The following DCX variants were observed in gnomAD, a reference collection of about 807,000 sequenced individuals.
DCX encodes doublecortin.
In DCX, 4 loss-of-function variants were observed where a neutral mutation model predicts 20.9. The ratio of observed to expected loss-of-function variants is 0.19; its 90% CI spans 0.09 to 0.44. The LOEUF is 0.44. Ranked by LOEUF, DCX falls within the 20% of genes least tolerant of loss-of-function variation. The probability of loss-of-function intolerance (pLI) is 0.99; values close to 1 mark genes in which losing one functional copy is unlikely to be tolerated. For synonymous variants in DCX, 103 were observed against 111.4 expected (o/e 0.92, Z 0.47); for missense variants, 133 against 296.9 (o/e 0.45, Z 4.06).
chrX:111,360,785 T>A (rs1924145900), intron 3 of DCX, among the ~76,000 whole-genome samples: 1 of 111,487 alleles, frequency 9.0e-6, no homozygotes, highest in Non-Finnish European at 1.9e-5. Flanking sequence ...TGGAAATATA[T>A]TCACCCACAT....
At chrX:111,354,354 A>G (rs1036796337) in intron 3 of DCX, among the ~76,000 whole-genome samples, 1 of 111,719 alleles carries the variant, frequency 9.0e-6, no homozygotes, top group Non-Finnish European at 1.9e-5. Context: ...CCTATAGTTC[A>G]TCTTCCCATT....
intron 3 of DCX, among the ~76,000 whole-genome samples, chrX:111,394,646 G>C (rs908115615): frequency 1.5e-4 from 17 of 112,142 alleles, no homozygotes; most frequent in Non-Finnish European, 3.2e-4. Context: ...GGAACAGCCT[G>C]CATCCCTGGA....
chrX:111,322,394 G>A lies in DCX; in HGVS notation c.946+8510C>T, dbSNP rs146673594. Among the ~76,000 whole-genome samples the A allele has an allele frequency of 8.0e-3, 897 of 111,953 alleles. 2 individuals carry two copies. Among genetic ancestry groups the A allele is most frequent in the African/African-American group, 0.027 (828 of 30,796 alleles). On this transcript the variant is annotated intron_variant, in intron 5 of 6. Coordinates refer to ENST00000636035, the MANE Select transcript of DCX (RefSeq NM_001195553.2). ...GTGAACTTCTAGTGATTCATTTTCT[G>A]TCTTGTGTTCTGTAACTCCCTAATG...
intron 4 of DCX, 137 bp from the exon 5 acceptor site, chrX:111,331,178 G>T: frequency 1.3e-6 from 1 of 752,628 alleles, no homozygotes; most frequent in Non-Finnish European, 2.0e-6. Context: ...CTTATTATTA[G>T]TAGGAGCCAT....
chrX:111,313,954 C>T (rs1472322441), intron 5 of DCX, among the ~76,000 whole-genome samples: 2 of 110,043 alleles, frequency 1.8e-5, no homozygotes, highest in Non-Finnish European at 3.8e-5. Flanking sequence ...AAATTGAAAA[C>T]ATTAAGCAGA....
chrX:111,352,916 G>T (rs1164132209), intron 3 of DCX, among the ~76,000 whole-genome samples: 1 of 109,975 alleles, frequency 9.1e-6, no homozygotes, highest in Non-Finnish European at 1.9e-5. Flanking sequence ...GAAGACTTTT[G>T]TGTCAACTGG....
At chrX:111,378,392 G>A (rs902305519) in intron 3 of DCX, among the ~76,000 whole-genome samples, 1 of 111,501 alleles carries the variant, frequency 9.0e-6, no homozygotes, top group South Asian at 3.8e-4. Context: ...AATTTAGCAG[G>A]TCTGGGGCGA....
chrX:111,370,929 C>G (rs1207223644), intron 3 of DCX, among the ~76,000 whole-genome samples: 1 of 112,106 alleles, frequency 8.9e-6, no homozygotes, highest in African/African-American at 3.2e-5. Context: ...AACATAAAGT[C>G]TGTATCACTT....
intron 3 of DCX, among the ~76,000 whole-genome samples, chrX:111,338,668 C>T (rs778468634): frequency 1.9e-5 from 2 of 106,074 alleles, no homozygotes; most frequent in South Asian, 4.3e-4. Flanking sequence ...TTTTTGCCTG[C>T]GCAACAAGTT....
chrX:111,401,465 T>G, intron 2 of DCX, 135 bp from the exon 3 acceptor site: 1 of 558,698 alleles, frequency 1.8e-6, no homozygotes, highest in Non-Finnish European at 2.9e-6. Flanking sequence ...TAGGTGCAAT[T>G]CCTAATTGGG....
chrX:111,332,493 A>G (rs1921339678), intron 4 of DCX, among the ~76,000 whole-genome samples: 1 of 111,659 alleles, frequency 9.0e-6, no homozygotes, highest in South Asian at 3.7e-4. Flanking sequence ...GTATACCTGG[A>G]GCTTGGACTC....
At chrX:111,336,762 G>A (rs942648888) in intron 3 of DCX, among the ~76,000 whole-genome samples, 2 of 112,091 alleles carry the variant, frequency 1.8e-5, no homozygotes, top group African/African-American at 6.5e-5. Flanking sequence ...GCCTAGACAG[G>A]AAAATCTATA....
At chrX:111,406,004 T>G (rs1408390249) in intron 2 of DCX, among the ~76,000 whole-genome samples, 2 of 112,669 alleles carry the variant, frequency 1.8e-5, no homozygotes, top group African/African-American at 6.4e-5. Flanking sequence ...AGGCTAAAAA[T>G]GTAATAATGT....
chrX:111,347,453 G>A (rs1255160126), intron 3 of DCX, among the ~76,000 whole-genome samples: 1 of 111,410 alleles, frequency 9.0e-6, no homozygotes, highest in Non-Finnish European at 1.9e-5. Flanking sequence ...TGAAGACACC[G>A]ATTTCCTTTG....
chrX:111,395,082 G>A (rs966331975), intron 3 of DCX, among the ~76,000 whole-genome samples: 8 of 111,746 alleles, frequency 7.2e-5, no homozygotes, highest in Non-Finnish European at 1.3e-4. Context: ...AGCATAGAGA[G>A]GTAGAGTACA....
chrX:111,338,175 G>A (rs1921897528), intron 3 of DCX, among the ~76,000 whole-genome samples: 1 of 112,189 alleles, frequency 8.9e-6, no homozygotes, highest in Admixed American at 9.4e-5. Flanking sequence ...TTCCAAAGCT[G>A]TGCAGAGCAC....
At chrX:111,351,400 A>G (rs1219036110) in intron 3 of DCX, among the ~76,000 whole-genome samples, 1 of 112,408 alleles carries the variant, frequency 8.9e-6, no homozygotes, top group African/African-American at 3.2e-5. Flanking sequence ...AAGGTAAACA[A>G]TAAGAAAACA....
intron 3 of DCX, among the ~76,000 whole-genome samples, chrX:111,398,752 C>T (rs1264639083): frequency 1.8e-5 from 2 of 111,593 alleles, no homozygotes; most frequent in African/African-American, 3.3e-5. Flanking sequence ...GGAACAAAAG[C>T]AGAATGCCAA....
At chrX:111,313,163 G>A (rs1193379187) in intron 5 of DCX, among the ~76,000 whole-genome samples, 1 of 110,906 alleles carries the variant, frequency 9.0e-6, no homozygotes, top group Admixed American at 9.7e-5. Flanking sequence ...TGGGCAATTT[G>A]GACCAGTGCA....
Sources: allele counts gnomAD v4.1 joint callset (sites outside exome capture counted in the v4.1 genomes callset), GRCh38; gene constraint gnomAD v4.1.1; transcripts MANE v1.5; gene names NCBI Gene and HGNC (gene_info 2026-07-23, HGNC 2026-07-21).